NPHP4: variants seen among roughly 807,000 people sequenced by gnomAD.
NPHP4 encodes nephrocystin-4.
In NPHP4, 151 loss-of-function variants were observed where a neutral mutation model predicts 155.8. The observed-to-expected ratio is 0.97, with a 90% confidence interval of 0.85 to 1.11. The LOEUF (loss-of-function observed/expected upper bound fraction) is 1.11. Ranked by LOEUF, NPHP4 falls within the 50% of genes least tolerant of loss-of-function variation. The probability of loss-of-function intolerance (pLI) is 0.00; values close to 1 mark genes in which losing one functional copy is unlikely to be tolerated. For synonymous variants in NPHP4, 845 were observed against 816.8 expected, an observed-to-expected ratio of 1.03 and a Z score of -0.59; for missense variants, 1,956 against 1,925.7, an observed-to-expected ratio of 1.02 and a Z score of -0.29.
chr1:5,973,264 G>C (rs1424742506), intron 3 of NPHP4, among the ~76,000 whole-genome samples: 3 of 152,242 alleles, frequency 2.0e-5, no homozygotes, highest in Non-Finnish European at 4.4e-5. Flanking sequence ...TGGGATCAGT[G>C]ATGGAGTAGG....
chr1:5,873,033 A>C (rs1199246882), intron 23 of NPHP4, among the ~76,000 whole-genome samples: 2 of 152,178 alleles, frequency 1.3e-5, no homozygotes, highest in Non-Finnish European at 2.9e-5. Context: ...GCCACCAAGG[A>C]GGCATTTCCG....
At chr1:5,868,741 ACC>A in intron 23 of NPHP4, among the ~76,000 whole-genome samples, 1 of 100,132 alleles carries the variant, frequency 1.0e-5, no homozygotes, top group African/African-American at 3.9e-5. Context: ...ACATGCATGC[ACC>A]CACACATGTA....
At chr1:5,873,748 C>T (rs577387164) in intron 22 of NPHP4, 1 of 290,902 alleles carries the variant, frequency 3.4e-6, no homozygotes, top group African/African-American at 2.3e-5. Context: ...GCCTCACGCA[C>T]CCGGGCATGA....
intron 18 of NPHP4, chr1:5,881,429 C>G (rs1468700998): frequency 6.6e-6 from 1 of 152,314 alleles, no homozygotes; most frequent in Non-Finnish European, 1.5e-5. Context: ...CCGAGCTGCT[C>G]TACCTGAGTT....
At position 5,948,164 on chromosome 1, in the gene NPHP4, T is replaced by C. The variant is rs1423087167; in HGVS notation, c.898A>G (p.Arg300Gly). The change falls in exon 8 of 30, where the codon AGG becomes GGG. Residue 300 changes from arginine to glycine, a missense_variant. Physicochemically the swap from Arg to Gly is moderately radical, Grantham distance 125 (BLOSUM62 -2). Coordinates refer to ENST00000378156, the MANE Select transcript of NPHP4 (RefSeq NM_015102.5). ...GGCACCAGTACAACGACCTGCGGCC[T>C]CTGCACGAAGCCCAGACCATTGTGC... ...GVHNGLGFVQ[R>G]PQVVVLVPEM... The C allele has an allele frequency of 3.1e-6, 5 of 1,613,342 alleles. No homozygotes were observed. The highest frequency in any genetic ancestry group is 1.6e-4 in the Middle Eastern group (1 of 6,062).
chr1:5,893,628 C>T (rs1644251443), intron 16 of NPHP4, among the ~76,000 whole-genome samples: 1 of 152,204 alleles, frequency 6.6e-6, no homozygotes, highest in Non-Finnish European at 1.5e-5. Context: ...CACAGCATCA[C>T]AGGGAGACGG....
chr1:5,960,874 T>C (rs115772366), intron 6 of NPHP4, among the ~76,000 whole-genome samples: 3,027 of 152,142 alleles, frequency 0.02, 108 homozygotes, highest in African/African-American at 0.069. Flanking sequence ...TTAACACGAA[T>C]TTCAGTTTCC....
intron 7 of NPHP4, among the ~76,000 whole-genome samples, chr1:5,951,185 G>T (rs1026915590): frequency 7.2e-5 from 11 of 152,244 alleles, no homozygotes; most frequent in Non-Finnish European, 1.5e-4. Flanking sequence ...GACCCGCGAG[G>T]CTCTGAGGGT....
At chr1:5,940,230 G>C (rs1239567215) in intron 9 of NPHP4, among the ~76,000 whole-genome samples, 1 of 152,118 alleles carries the variant, frequency 6.6e-6, no homozygotes, top group East Asian at 1.9e-4. Context: ...CCATTGTCTC[G>C]GGAATGGGCC....
In NPHP4 at chr1:5,948,174, G is replaced by A. The variant is rs1428686458; in HGVS notation, c.888C>T (p.Gly296=). 6 of 1,612,780 alleles carry A rather than the reference G, an allele frequency of 3.7e-6. No individual in the cohort carries two copies. The highest frequency in any genetic ancestry group is 4.2e-6 in the Non-Finnish European group (5 of 1,179,740). Residue 296 remains glycine (G), a synonymous_variant, in exon 8 of 30, where the codon GGC becomes GGT. Coordinates refer to ENST00000378156, the MANE Select transcript of NPHP4 (RefSeq NM_015102.5). ...CAACGACCTGCGGCCTCTGCACGAA[G>A]CCCAGACCATTGTGCACGCCCACAC... ...RLRVGVHNGL[G]FVQRPQVVVL...
In NPHP4 at chr1:5,992,258, C is replaced by G. The variant is rs904473186; in HGVS notation, c.-53G>C. ...GGCCGCGTTACCTAGGAGACCGACC[C>G]GCCGCGGCCGCGCCGGAGGCCACGG... On this transcript the variant is annotated 5_prime_UTR_variant, in exon 1 of 30. Coordinates refer to ENST00000378156, the MANE Select transcript of NPHP4 (RefSeq NM_015102.5). The G allele has an allele frequency of 3.3e-5, 5 of 152,168 alleles. No homozygotes were observed. Among genetic ancestry groups the G allele is most frequent in the African/African-American group, 7.2e-5 (3 of 41,448 alleles). The allele number at this position is 152,168 out of a possible 1,614,324, so 9.4% of individuals were successfully genotyped here.
chr1:5,919,534 G>A (rs1026952577), intron 11 of NPHP4, among the ~76,000 whole-genome samples: 3 of 152,148 alleles, frequency 2.0e-5, no homozygotes, highest in African/African-American at 7.2e-5. Flanking sequence ...CAGACTCTCC[G>A]CAAGTCTTTG....
intron 5 of NPHP4, among the ~76,000 whole-genome samples, chr1:5,963,903 G>A (rs1390731391): frequency 6.6e-6 from 1 of 152,238 alleles, no homozygotes; most frequent in South Asian, 2.1e-4. Flanking sequence ...GACCAGGCTG[G>A]TCTCGAACTC....
At position 5,867,840 on chromosome 1, in the gene NPHP4, C is replaced by T; in HGVS notation, c.3372G>A (p.Glu1124=). Residue 1124 remains glutamate, a synonymous_variant, in exon 24 of 30, where the codon GAG becomes GAA. Transcript: ENST00000378156. This position sits in a 1 kb window ranked among gnomAD's most constrained non-coding sequence, Gnocchi z 4.1. ...CCTGGTCCACCACGTGGGGCTGCAG[C>T]TCCACAGTCAGGCAGAGCACGGCGA... The part of the protein sequence containing the change: ...KPIAVLCLTV[E]LQPHVVDQVF... 1.9e-6 allele frequency: 3 copies of T among 1,613,894 alleles called. No individual in the cohort carries two copies. Among genetic ancestry groups the T allele is most frequent in the Non-Finnish European group, 2.5e-6 (3 of 1,179,884 alleles).
At chr1:5,916,335 A>T (rs970686475) in intron 11 of NPHP4, among the ~76,000 whole-genome samples, 2 of 152,186 alleles carry the variant, frequency 1.3e-5, no homozygotes, top group African/African-American at 4.8e-5. Flanking sequence ...GAACCATATA[A>T]GTTGGTGAAA....
In NPHP4 at chr1:5,992,358, C is replaced by T. The variant is rs1310076090; in HGVS notation, c.-153G>A. The stretch of plus-strand genomic sequence containing the variant: ...GGCCGGTGCTCAACGGAGCCACAAG[C>T]CTGAGGACCGAGGACTGGCCGAGGG... On this transcript the variant is annotated 5_prime_UTR_variant, in exon 1 of 30. Transcript: ENST00000378156. 6.6e-6 allele frequency: 1 copy of T among 151,990 alleles called. No homozygotes were observed. The highest frequency in any genetic ancestry group is 1.5e-5 in the Non-Finnish European group (1 of 68,012). 9.4% of individuals were successfully genotyped at this position (151,990 alleles called of 1,614,324 possible).
chr1:5,899,063 GCTGC>G (rs1164344216), intron 16 of NPHP4, among the ~76,000 whole-genome samples: 1 of 152,198 alleles, frequency 6.6e-6, no homozygotes, highest in African/African-American at 2.4e-5. Context: ...CGCTGTCTGG[GCTGC>G]CTGTCTCCTG....
chr1:5,976,536 C>A (rs1049060874), intron 3 of NPHP4, among the ~76,000 whole-genome samples: 1 of 152,328 alleles, frequency 6.6e-6, no homozygotes, highest in East Asian at 1.9e-4. Flanking sequence ...CCCGAGGGGA[C>A]CCCCTGCCCG....
chr1:5,900,315 C>A (rs116799316), intron 16 of NPHP4, among the ~76,000 whole-genome samples: 2,121 of 152,308 alleles, frequency 0.014, 39 homozygotes, highest in Middle Eastern at 0.065. Context: ...ACCAAGATGC[C>A]CTTCAAGAGG....
Sources: allele counts gnomAD v4.1 joint callset (sites outside exome capture counted in the v4.1 genomes callset), GRCh38; gene constraint gnomAD v4.1.1; non-coding constraint Gnocchi (gnomAD v3.1); transcripts MANE v1.5; gene names NCBI Gene and HGNC (gene_info 2026-07-23, HGNC 2026-07-21).